MALRD1: variants seen among roughly 807,000 people sequenced by gnomAD.
The protein encoded by MALRD1 is MAM and LDL receptor class A domain containing 1.
MALRD1 carries 247 observed loss-of-function variants against 242.1 expected under a neutral mutation model. The ratio of observed to expected loss-of-function variants is 1.02; its 90% CI spans 0.92 to 1.13. MALRD1 has a LOEUF of 1.13. Among genes scored for constraint, MALRD1 ranks in the 50% most tolerant of loss-of-function variants. The pLI, the probability that MALRD1 is intolerant of heterozygous loss-of-function variation, is 0.00. For synonymous variants in MALRD1, 995 were observed against 866.6 expected (o/e 1.15, Z -2.60); for missense variants, 2,989 against 2,533.1 (o/e 1.18, Z -3.86).
chr10:19,510,683 A>C (rs1833361282), intron 31 of MALRD1, among the ~76,000 whole-genome samples: 1 of 152,254 alleles, frequency 6.6e-6, no homozygotes. Context: ...TTTTCTTAGT[A>C]CAGAACAAAA....
rs538783483 is a variant in MALRD1 at position 19,274,471 on chromosome 10, G to T, written c.3080-5576G>T. Among the ~76,000 whole-genome samples, 4 of 152,264 alleles carry T rather than the reference G, an allele frequency of 2.6e-5. No homozygotes were observed. In the South Asian group the frequency reaches 8.3e-4, roughly 32 times the overall value. On this transcript the variant is annotated intron_variant, in intron 19 of 39. Transcript: ENST00000454679. Reference sequence around the variant, plus strand: ...AATCAATGCCTTTATAAAAAGACAGGAGAGAGCTTGCTTTTTCTCTCCCTA... The same window carrying T: ...AATCAATGCCTTTATAAAAAGACAGTAGAGAGCTTGCTTTTTCTCTCCCTA...
intron 26 of MALRD1, among the ~76,000 whole-genome samples, chr10:19,366,502 A>C (rs112369001): frequency 7.9e-5 from 12 of 152,130 alleles, no homozygotes; most frequent in African/African-American, 1.9e-4. Flanking sequence ...GACTGGTACC[A>C]GTCTGTGGCC....
At chr10:19,278,452 T>C (rs952987939) in intron 19 of MALRD1, among the ~76,000 whole-genome samples, 2 of 151,352 alleles carry the variant, frequency 1.3e-5, no homozygotes, top group African/African-American at 4.9e-5. Context: ...TGTCCATCCA[T>C]CCATCCATCC....
intron 38 of MALRD1, among the ~76,000 whole-genome samples, chr10:19,692,796 CGT>C (rs536403589): frequency 0.15 from 3,280 of 22,106 alleles, 106 homozygotes; most frequent in African/African-American, 0.27. Flanking sequence ...TTTTTGAGGG[CGT>C]ATATATATAT....
chr10:19,542,379 T>C (rs1835009356), intron 32 of MALRD1, among the ~76,000 whole-genome samples: 1 of 152,072 alleles, frequency 6.6e-6, no homozygotes, highest in Non-Finnish European at 1.5e-5. Context: ...GAAAGCCATT[T>C]TCTGTCATAA....
intron 36 of MALRD1, among the ~76,000 whole-genome samples, chr10:19,652,696 G>C (rs1840952366): frequency 6.6e-6 from 1 of 152,146 alleles, no homozygotes; most frequent in African/African-American, 2.4e-5. Context: ...AGCTTACCAG[G>C]AAATTGTATA....
intron 20 of MALRD1, among the ~76,000 whole-genome samples, chr10:19,281,548 AATT>A (rs1259525753): frequency 6.6e-6 from 1 of 152,342 alleles, no homozygotes; most frequent in East Asian, 1.9e-4. Context: ...AATATAAATG[AATT>A]ATTACCATTT....
intron 27 of MALRD1, among the ~76,000 whole-genome samples, chr10:19,388,749 T>C (rs1846199323): frequency 6.6e-6 from 1 of 152,066 alleles, no homozygotes; most frequent in African/African-American, 2.4e-5. Context: ...TGTTACTTTA[T>C]TCCTTGGTGA....
At chr10:19,162,198 C>T (rs1373088899) in intron 12 of MALRD1, among the ~76,000 whole-genome samples, 2 of 152,208 alleles carry the variant, frequency 1.3e-5, no homozygotes, top group Non-Finnish European at 1.5e-5. Context: ...TCTTTTGCCA[C>T]TCTTCCTCCA....
At chr10:19,107,056 T>C (rs933717658) in intron 5 of MALRD1, among the ~76,000 whole-genome samples, 1 of 152,020 alleles carries the variant, frequency 6.6e-6, no homozygotes, top group Non-Finnish European at 1.5e-5. Context: ...ACATTTGATA[T>C]ATCCTGGAGA....
chr10:19,317,527 C>G (rs1043835533), intron 21 of MALRD1, among the ~76,000 whole-genome samples: 3 of 151,922 alleles, frequency 2.0e-5, no homozygotes, highest in Non-Finnish European at 4.4e-5. Flanking sequence ...TGGATTATGT[C>G]TTGTCAGATA....
intron 27 of MALRD1, among the ~76,000 whole-genome samples, chr10:19,388,044 G>T (rs1846159297): frequency 6.6e-6 from 1 of 152,186 alleles, no homozygotes; most frequent in Non-Finnish European, 1.5e-5. Context: ...TCTGAGGGTT[G>T]TGAGGGAGCA....
At chr10:19,620,490 A>G (rs1207724531) in intron 36 of MALRD1, among the ~76,000 whole-genome samples, 1 of 152,106 alleles carries the variant, frequency 6.6e-6, no homozygotes, top group African/African-American at 2.4e-5. Context: ...CGATGTCTAC[A>G]TTTAAGAGAG....
At chr10:19,239,204 A>G (rs1479560293) in intron 18 of MALRD1, among the ~76,000 whole-genome samples, 1 of 151,936 alleles carries the variant, frequency 6.6e-6, no homozygotes, top group Non-Finnish European at 1.5e-5. Flanking sequence ...GGTTACAGGC[A>G]CACGCCATCA....
intron 26 of MALRD1, among the ~76,000 whole-genome samples, chr10:19,358,110 T>C (rs1467530244): frequency 6.6e-6 from 1 of 152,020 alleles, no homozygotes; most frequent in Non-Finnish European, 1.5e-5. Flanking sequence ...TAAATGTCCA[T>C]ATGCAAATTC....
intron 36 of MALRD1, among the ~76,000 whole-genome samples, chr10:19,688,252 T>A (rs1269325821): frequency 1.3e-5 from 2 of 152,186 alleles, no homozygotes; most frequent in African/African-American, 4.8e-5. Context: ...ATTACAGGCA[T>A]GAGCCACTGT....
At chr10:19,402,433 T>C (rs1419689469) in intron 28 of MALRD1, among the ~76,000 whole-genome samples, 2 of 152,126 alleles carry the variant, frequency 1.3e-5, no homozygotes, top group Non-Finnish European at 2.9e-5. Context: ...GGAGATCCAG[T>C]GGTTTTATAA....
At chr10:19,418,200 T>A (rs1469276963) in intron 28 of MALRD1, among the ~76,000 whole-genome samples, 2 of 152,076 alleles carry the variant, frequency 1.3e-5, no homozygotes, top group African/African-American at 4.8e-5. Flanking sequence ...CATTATAGAT[T>A]ATCTGTGCCT....
chr10:19,373,480 C>G (rs1845476416), intron 26 of MALRD1, among the ~76,000 whole-genome samples: 1 of 151,460 alleles, frequency 6.6e-6, no homozygotes, highest in Non-Finnish European at 1.5e-5. Context: ...GATCATGCCA[C>G]TGCACTCCAG....
Sources: allele counts gnomAD v4.1 joint callset (sites outside exome capture counted in the v4.1 genomes callset), GRCh38; gene constraint gnomAD v4.1.1; transcripts MANE v1.5; gene names NCBI Gene and HGNC (gene_info 2026-07-23, HGNC 2026-07-21).